The following VEGFC variants were observed in gnomAD, a reference collection of about 807,000 sequenced individuals.
VEGFC encodes the protein vascular endothelial growth factor C.
VEGFC carries 12 observed loss-of-function variants against 46.1 expected under a neutral mutation model. That is an observed-to-expected ratio of 0.26 (90% confidence interval 0.17 to 0.42). The LOEUF is 0.42. Among genes scored for constraint, VEGFC ranks in the 10% least tolerant of loss-of-function variants. The pLI is 1.00. For synonymous variants in VEGFC, 232 were observed against 195.5 expected (o/e 1.19, Z -1.56); for missense variants, 488 against 529.4 (o/e 0.92, Z 0.77).
chr4:176,684,040 G>A lies in VEGFC; in HGVS notation c.1146C>T (p.Ser382=). ...KGKKFHHQTC[S]CYRRPCTNRQ... ...GGTTCGTACATGGCCGTCTGTAACA[G>A]CTAGGAGAACAAACAAGAACACACT... Residue 382 remains serine, a splice_region_variant and synonymous_variant, in exon 7 of 7, where the codon AGC becomes AGT. Coordinates refer to ENST00000618562, the MANE Select transcript of VEGFC (RefSeq NM_005429.5). The A allele has an allele frequency of 1.2e-6, 2 of 1,611,708 alleles. No individual in the cohort carries two copies. The highest frequency in any genetic ancestry group is 1.1e-5 in the South Asian group (1 of 91,032).
At chr4:176,764,716 T>TC in intron 1 of VEGFC, among the ~76,000 whole-genome samples, 1 of 152,318 alleles carries the variant, frequency 6.6e-6, no homozygotes, top group East Asian at 1.9e-4. Context: ...CATGTCATAT[T>TC]CTAATGGAAC....
intron 4 of VEGFC, among the ~76,000 whole-genome samples, chr4:176,699,679 A>T (rs1377358799): frequency 6.6e-6 from 1 of 152,216 alleles, no homozygotes. Flanking sequence ...GACTATGTAC[A>T]CAGAGACTGA....
chr4:176,755,235 C>A (rs1482703472), intron 1 of VEGFC, among the ~76,000 whole-genome samples: 1 of 152,066 alleles, frequency 6.6e-6, no homozygotes, highest in Non-Finnish European at 1.5e-5. Flanking sequence ...CAACTTTCAA[C>A]TGTTATCATC....
intron 1 of VEGFC, among the ~76,000 whole-genome samples, chr4:176,759,432 A>G (rs1317902122): frequency 2.0e-5 from 3 of 152,202 alleles, no homozygotes; most frequent in Non-Finnish European, 4.4e-5. Context: ...TGATAGAAGC[A>G]GAGAGTAGAA....
At chr4:176,707,838 A>C (rs2171083) in intron 4 of VEGFC, among the ~76,000 whole-genome samples, 106,744 of 152,066 alleles carry the variant, frequency 0.7, 43,368 homozygotes, top group East Asian at 0.94. Context: ...GATTTCAAAC[A>C]TATACTGAGT....
In VEGFC at chr4:176,719,257, T is replaced by C. The variant is rs1044554405; in HGVS notation, c.553-7607A>G. ...ATTTACATCATGCCAATTGGTGGCT[T>C]TGCTACAAAATGTGCCTGGAACTCT... On this transcript the variant is annotated intron_variant, in intron 3 of 6. Transcript: ENST00000618562. Among the ~76,000 whole-genome samples the C allele has an allele frequency of 3.9e-5, 6 of 152,200 alleles. No homozygotes were observed. In the East Asian group the frequency reaches 1.2e-3, roughly 29 times the overall value.
In VEGFC at chr4:176,777,918, C is replaced by CAAAAA. The variant is rs773634012; in HGVS notation, c.147+14242_147+14246dup. Among the ~76,000 whole-genome samples the CAAAAA allele has an allele frequency of 3.0e-3, 170 of 57,170 alleles. 23 individuals are homozygous for CAAAAA. The highest frequency in any genetic ancestry group is 9.8e-3 in the African/African-American group (155 of 15,772). The allele number at this position is 57,170 out of a possible 152,430, so 37.5% of individuals were successfully genotyped here. A position where few individuals can be genotyped will look rare whatever the true frequency, so the allele number is the denominator to read the frequency against. On this transcript the variant is annotated intron_variant, in intron 1 of 6. Transcript: ENST00000618562. ...TGGGCGACAGAGCAAGACTTTGTCT[C>CAAAAA]AAAAAAAAAAAAAAAAAAAAAAAAA...
At chr4:176,720,433 T>C (rs1486252434) in intron 3 of VEGFC, among the ~76,000 whole-genome samples, 2 of 152,188 alleles carry the variant, frequency 1.3e-5, no homozygotes, top group African/African-American at 4.8e-5. Context: ...ATTTGTTTCT[T>C]TTTATTCAAA....
At chr4:176,753,804 C>T (rs904584945) in intron 1 of VEGFC, among the ~76,000 whole-genome samples, 2 of 151,942 alleles carry the variant, frequency 1.3e-5, no homozygotes, top group African/African-American at 4.8e-5. Flanking sequence ...ATATACTTGC[C>T]AGTTTGATAC....
At chr4:176,721,702 T>C (rs1452830823) in intron 3 of VEGFC, among the ~76,000 whole-genome samples, 4 of 152,288 alleles carry the variant, frequency 2.6e-5, no homozygotes, top group African/African-American at 7.2e-5. Context: ...CACAGAACAC[T>C]GGAAAAAGAA....
rs1734317165 is a variant in VEGFC, at chr4:176,696,555, C to T, written c.705-8628G>A. On this transcript the variant is annotated intron_variant, in intron 4 of 6. Coordinates refer to ENST00000618562, the MANE Select transcript of VEGFC (RefSeq NM_005429.5). ...AATCAATATCGTGAAAATGGCCATA[C>T]TGCCCAAGGTAATTTACAGATTCAA... Among the ~76,000 whole-genome samples the T allele has an allele frequency of 2.7e-5, 4 of 150,434 alleles. No homozygotes were observed. The South Asian group carries it at 8.4e-4, about 32-fold the overall frequency.
intron 1 of VEGFC, among the ~76,000 whole-genome samples, chr4:176,747,261 C>G (rs1735273022): frequency 6.6e-6 from 1 of 151,966 alleles, no homozygotes; most frequent in Middle Eastern, 3.2e-3. Context: ...TTCTTCTTCA[C>G]CAGGACTATG....
In VEGFC at chr4:176,719,311, T is replaced by G. The variant is rs74607117; in HGVS notation, c.553-7661A>C. Among the ~76,000 whole-genome samples, 49 of 2,000 alleles carry G rather than the reference T, an allele frequency of 0.025. No homozygotes were observed. In the East Asian group the frequency reaches 0.5, roughly 20 times the overall value. 1.3% of individuals were successfully genotyped at this position (2,000 alleles called of 152,430 possible). On this transcript the variant is annotated intron_variant, in intron 3 of 6. Coordinates refer to ENST00000618562, the MANE Select transcript of VEGFC (RefSeq NM_005429.5). The stretch of plus-strand genomic sequence containing the variant: ...AACAAAACGAAAAGTCTTTTTTTTG[T>G]TTTTTTTTACCTTAAGAAAACACAG...
chr4:176,707,441 T>C (rs1189662145), intron 4 of VEGFC, among the ~76,000 whole-genome samples: 4 of 152,128 alleles, frequency 2.6e-5, no homozygotes, highest in Admixed American at 2.0e-4. Flanking sequence ...TTATCACTAG[T>C]GTAGCTTTTA....
At position 176,792,431 on chromosome 4, in the gene VEGFC, C is replaced by G. The variant is rs913750147; in HGVS notation, c.-120G>C. ...TCTCCCCCGGGCTCCTCCCGGCGAC[C>G]CCCCCTGGGCGAGCCGGAGGCGGCG... On this transcript the variant is annotated 5_prime_UTR_variant, in exon 1 of 7. Transcript: ENST00000618562. This position sits in a 1 kb window ranked among gnomAD's most constrained non-coding sequence, Gnocchi z 6.3. The G allele has an allele frequency of 1.1e-5, 8 of 753,100 alleles. No homozygotes were observed. Among genetic ancestry groups the G allele is most frequent in the Non-Finnish European group, 1.1e-5 (6 of 530,300 alleles). 46.7% of individuals were successfully genotyped at this position (753,100 alleles called of 1,614,324 possible). A position where few individuals can be genotyped will look rare whatever the true frequency, so the allele number is the denominator to read the frequency against.
intron 1 of VEGFC, among the ~76,000 whole-genome samples, chr4:176,789,097 C>T (rs1272366151): frequency 3.2e-4 from 49 of 152,218 alleles, no homozygotes; most frequent in Admixed American, 2.9e-3. Flanking sequence ...ATTAGTCTCA[C>T]GCCAGTTCCT....
chr4:176,783,014 C>T (rs1403888513), intron 1 of VEGFC, among the ~76,000 whole-genome samples: 1 of 152,192 alleles, frequency 6.6e-6, no homozygotes, highest in Non-Finnish European at 1.5e-5. Context: ...GCCTCCAATG[C>T]CCCCAGCACT....
At chr4:176,756,100 T>C (rs1246030202) in intron 1 of VEGFC, among the ~76,000 whole-genome samples, 3 of 152,036 alleles carry the variant, frequency 2.0e-5, no homozygotes, top group South Asian at 2.1e-4. Context: ...GCCACTGAAA[T>C]AACTGGATAA....
intron 4 of VEGFC, among the ~76,000 whole-genome samples, chr4:176,707,362 G>A (rs940476349): frequency 3.3e-5 from 5 of 152,136 alleles, no homozygotes; most frequent in Non-Finnish European, 7.4e-5. Flanking sequence ...CCGTGGTGGT[G>A]ATTGTTCCTC....
Sources: gnomAD v4.1 joint callset for allele counts (sites outside exome capture counted in the v4.1 genomes callset) on GRCh38, gnomAD v4.1.1 for gene constraint, Gnocchi (gnomAD v3.1) non-coding constraint, MANE v1.5 for transcripts, NCBI Gene and HGNC (gene_info 2026-07-23, HGNC 2026-07-21) for gene names.